FAM168A: variants seen among roughly 807,000 people sequenced by gnomAD.
The protein encoded by FAM168A is protein FAM168A.
A neutral mutation model predicts 28.5 loss-of-function variants in FAM168A; 3 were observed. The observed-to-expected ratio is 0.11, with a 90% CI of 0.05 to 0.27. The LOEUF (loss-of-function observed/expected upper bound fraction) is 0.27, where lower values mean the gene tolerates loss of function less well. Among genes scored for constraint, FAM168A ranks in the 10% least tolerant of loss-of-function variants. The pLI is 1.00. For synonymous variants in FAM168A, 122 were observed against 124.2 expected, an observed-to-expected ratio of 0.98 and a Z score of 0.12; for missense variants, 222 against 311.5, an observed-to-expected ratio of 0.71 and a Z score of 2.16.
chr11:73,435,074 A>G (rs1254239866), intron 2 of FAM168A, among the ~76,000 whole-genome samples: 1 of 152,108 alleles, frequency 6.6e-6, no homozygotes, highest in Non-Finnish European at 1.5e-5. Flanking sequence ...TTAAATCCCT[A>G]AATCCCTAAA....
intron 2 of FAM168A, among the ~76,000 whole-genome samples, chr11:73,458,283 T>C (rs1867577177): frequency 1.3e-5 from 2 of 152,230 alleles, no homozygotes; most frequent in South Asian, 4.1e-4. Context: ...AGAGTTATTC[T>C]TCTTTACAGA....
At chr11:73,419,270 C>T (rs1866751629) in intron 4 of FAM168A, among the ~76,000 whole-genome samples, 1 of 152,212 alleles carries the variant, frequency 6.6e-6, no homozygotes, top group Non-Finnish European at 1.5e-5. Context: ...CCTGAAGACT[C>T]CTCATACACA....
At chr11:73,492,469 T>G (rs1868141766) in intron 1 of FAM168A, among the ~76,000 whole-genome samples, 1 of 151,950 alleles carries the variant, frequency 6.6e-6, no homozygotes, top group Admixed American at 6.6e-5. Context: ...AAACCCCATC[T>G]CTACAAAAAA....
intron 2 of FAM168A, among the ~76,000 whole-genome samples, chr11:73,437,183 C>T (rs917800991): frequency 2.0e-5 from 3 of 151,882 alleles, no homozygotes; most frequent in African/African-American, 7.3e-5. Context: ...CTGCAACCTC[C>T]GCCTCCTGGG....
intron 2 of FAM168A, among the ~76,000 whole-genome samples, chr11:73,449,985 T>G (rs1867397326): frequency 6.6e-6 from 1 of 152,240 alleles, no homozygotes; most frequent in Non-Finnish European, 1.5e-5. Flanking sequence ...CTGAGCAATT[T>G]TCAAGTAATC....
chr11:73,476,666 C>G (rs952552810), intron 1 of FAM168A, among the ~76,000 whole-genome samples: 4 of 151,376 alleles, frequency 2.6e-5, no homozygotes, highest in African/African-American at 9.7e-5. Flanking sequence ...TTCAAAGCAG[C>G]TATTACAAAT....
chr11:73,482,780 C>T (rs1271352749), intron 1 of FAM168A, among the ~76,000 whole-genome samples: 3 of 152,082 alleles, frequency 2.0e-5, no homozygotes, highest in Admixed American at 6.5e-5. Context: ...GCTCTGTCAC[C>T]CGGGCTGGAA....
chr11:73,463,903 T>C (rs1463212601), intron 2 of FAM168A, among the ~76,000 whole-genome samples: 3 of 152,100 alleles, frequency 2.0e-5, no homozygotes, highest in Non-Finnish European at 4.4e-5. Flanking sequence ...TCTTCAACCA[T>C]AGGTGAAAAA....
intron 3 of FAM168A, among the ~76,000 whole-genome samples, chr11:73,426,817 C>T (rs941840041): frequency 6.6e-6 from 1 of 151,976 alleles, no homozygotes; most frequent in African/African-American, 2.4e-5. Flanking sequence ...GGTCTTTCAA[C>T]TCCGAGTTTG....
At chr11:73,502,677 T>C (rs1391098446) in intron 1 of FAM168A, among the ~76,000 whole-genome samples, 9 of 151,996 alleles carry the variant, frequency 5.9e-5, no homozygotes, top group African/African-American at 2.2e-4. Flanking sequence ...ATACCAAAAC[T>C]GGGAAGAGAC....
chr11:73,579,335 C>T (rs966981877), intron 1 of FAM168A, among the ~76,000 whole-genome samples: 1 of 152,118 alleles, frequency 6.6e-6, no homozygotes, highest in Non-Finnish European at 1.5e-5. Flanking sequence ...ATTATGTCTC[C>T]ATCTAATGGA....
At chr11:73,470,389 T>C (rs1025560394) in intron 1 of FAM168A, among the ~76,000 whole-genome samples, 2 of 152,164 alleles carry the variant, frequency 1.3e-5, no homozygotes, top group Non-Finnish European at 2.9e-5. Context: ...TGAGAAAGAC[T>C]GATAAAGTGC....
chr11:73,407,800 C>T (rs1002393336), intron 6 of FAM168A, among the ~76,000 whole-genome samples, 157 bp from the exon 7 acceptor site: 3 of 152,242 alleles, frequency 2.0e-5, no homozygotes, highest in Non-Finnish European at 2.9e-5. Flanking sequence ...TTCTCCACCT[C>T]ACCAGGCTTC....
At chr11:73,477,180 C>A (rs1867899564) in intron 1 of FAM168A, among the ~76,000 whole-genome samples, 1 of 151,916 alleles carries the variant, frequency 6.6e-6, no homozygotes, top group African/African-American at 2.4e-5. Flanking sequence ...CACATAGACA[C>A]AATGATGAGA....
At chr11:73,565,785 C>T (rs1049522933) in intron 1 of FAM168A, among the ~76,000 whole-genome samples, 1 of 151,960 alleles carries the variant, frequency 6.6e-6, no homozygotes, top group African/African-American at 2.4e-5. Flanking sequence ...AAAACAATAC[C>T]ATATTAAACA....
chr11:73,559,264 G>A (rs1388365554), intron 1 of FAM168A, among the ~76,000 whole-genome samples: 2 of 152,068 alleles, frequency 1.3e-5, no homozygotes, highest in Admixed American at 6.6e-5. Flanking sequence ...AAAATTAGCT[G>A]GTCATGGTGG....
intron 1 of FAM168A, among the ~76,000 whole-genome samples, chr11:73,524,953 C>G (rs1028276829): frequency 6.6e-6 from 1 of 151,954 alleles, no homozygotes; most frequent in Non-Finnish European, 1.5e-5. Context: ...GCTGACTATT[C>G]CTTTTTCAAA....
chr11:73,546,398 A>G (rs1943753248), intron 1 of FAM168A, among the ~76,000 whole-genome samples: 1 of 152,222 alleles, frequency 6.6e-6, no homozygotes, highest in Admixed American at 6.5e-5. Flanking sequence ...TTGAAATAAG[A>G]CAGCTTCTCA....
chr11:73,410,329 A>G (rs1866585893), intron 5 of FAM168A, among the ~76,000 whole-genome samples: 1 of 151,524 alleles, frequency 6.6e-6, no homozygotes, highest in Admixed American at 6.6e-5. Context: ...AATGGCTTGA[A>G]CCCGGGAGGC....
Sources: gnomAD v4.1 joint callset for allele counts (sites outside exome capture counted in the v4.1 genomes callset) on GRCh38, gnomAD v4.1.1 for gene constraint, MANE v1.5 for transcripts, NCBI Gene and HGNC (gene_info 2026-07-23, HGNC 2026-07-21) for gene names.